The following MTMR9 variants were observed in gnomAD, a reference collection of about 807,000 sequenced individuals.
MTMR9 encodes myotubularin related protein 9.
A neutral mutation model predicts 69.5 loss-of-function variants in MTMR9; 39 were observed. The ratio of observed to expected loss-of-function variants is 0.56; its 90% confidence interval spans 0.43 to 0.73. The LOEUF (loss-of-function observed/expected upper bound fraction) is 0.73. Among genes scored for constraint, MTMR9 ranks in the 30% least tolerant of loss-of-function variants. MTMR9 has a pLI of 0.00. For missense variants in MTMR9, 900 were observed against 671.2 expected (o/e 1.34, Z -3.77); for synonymous variants, 354 against 240.8 (o/e 1.47, Z -4.35).
rs887571793 is a variant in MTMR9, at chr8:11,307,512, G to C, written c.809+1105G>C. Among the ~76,000 whole-genome samples, 6 of 152,182 alleles carry C rather than the reference G, an allele frequency of 3.9e-5. No homozygotes were observed. The East Asian group carries it at 1.2e-3, about 29-fold the overall frequency. On this transcript the variant is annotated intron_variant, in intron 5 of 9. Coordinates refer to ENST00000221086, the MANE Select transcript of MTMR9 (RefSeq NM_015458.4). The stretch of plus-strand genomic sequence containing the variant: ...GTGCTGCAGTGAACGTGGGAATGCA[G>C]ATACCTCTTTGAGATCCTGATTTCG...
Position 11,328,133 on chromosome 8 carries a change from G to A in MTMR9, c.*5345G>A, listed in dbSNP as rs1585145700. 6.6e-6 allele frequency: 1 copy of A among 150,446 alleles called. No individual in the cohort carries two copies. Among genetic ancestry groups the A allele is most frequent in the Non-Finnish European group, 1.5e-5 (1 of 67,862 alleles). The allele number at this position is 150,446 out of a possible 1,614,324, so 9.3% of individuals were successfully genotyped here. A position where few individuals can be genotyped will look rare whatever the true frequency, so the allele number is the denominator to read the frequency against. On this transcript the variant is annotated 3_prime_UTR_variant, in exon 10 of 10. Coordinates refer to ENST00000221086, the MANE Select transcript of MTMR9 (RefSeq NM_015458.4). Reference sequence around the variant, plus strand: ...TAATAAAATCTGAATATATTTAAGTGCTAATAAATTAAATCTGTGGGCTTA... The same window carrying A: ...TAATAAAATCTGAATATATTTAAGTACTAATAAATTAAATCTGTGGGCTTA...
At chr8:11,310,059 C>T (rs1800134845) in intron 6 of MTMR9, among the ~76,000 whole-genome samples, 1 of 152,042 alleles carries the variant, frequency 6.6e-6, no homozygotes, top group Non-Finnish European at 1.5e-5. Context: ...TACCTCCTTA[C>T]TTTTGAAATA....
In MTMR9 at chr8:11,326,936, C is replaced by G. The variant is rs1304536253; in HGVS notation, c.*4148C>G. ...AGTGAGCCGAGATCGCACCACTGCA[C>G]TCCAGCCTGGGCGAAAGGGCAAGAC... On this transcript the variant is annotated 3_prime_UTR_variant, in exon 10 of 10. Coordinates refer to ENST00000221086, the MANE Select transcript of MTMR9 (RefSeq NM_015458.4). 1.4e-5 allele frequency: 2 copies of G among 147,634 alleles called. No individual in the cohort carries two copies. Among genetic ancestry groups the G allele is most frequent in the African/African-American group, 5.1e-5 (2 of 39,574 alleles). 9.1% of individuals were successfully genotyped at this position (147,634 alleles called of 1,614,324 possible). A position where few individuals can be genotyped will look rare whatever the true frequency, so the allele number is the denominator to read the frequency against.
chr8:11,322,901 T>A lies in MTMR9; in HGVS notation c.*113T>A. On this transcript the variant is annotated 3_prime_UTR_variant, in exon 10 of 10. Coordinates refer to ENST00000221086, the MANE Select transcript of MTMR9 (RefSeq NM_015458.4). ...AGCCTTGAAGTGAAGGCTTTAGATG[T>A]GGGACCCCCCTAATGTAATGGATTT... 1.1e-6 allele frequency: 1 copy of A among 880,332 alleles called. No individual in the cohort carries two copies. Among genetic ancestry groups the A allele is most frequent in the Non-Finnish European group, 1.7e-6 (1 of 576,532 alleles). The allele number at this position is 880,332 out of a possible 1,614,324, so 54.5% of individuals were successfully genotyped here. A position where few individuals can be genotyped will look rare whatever the true frequency, so the allele number is the denominator to read the frequency against.
intron 1 of MTMR9, among the ~76,000 whole-genome samples, chr8:11,288,531 A>T (rs1799273680): frequency 6.6e-6 from 1 of 151,776 alleles, no homozygotes; most frequent in Admixed American, 6.6e-5. Context: ...TGTCTGGGGG[A>T]AGAGCATTGC....
chr8:11,314,703 A>G (rs976318115), intron 6 of MTMR9, among the ~76,000 whole-genome samples: 1 of 152,346 alleles, frequency 6.6e-6, no homozygotes, highest in Middle Eastern at 3.4e-3. Context: ...GATTCATTAT[A>G]GTCGTATTTT....
intron 9 of MTMR9, chr8:11,320,360 G>C (rs1024751281): frequency 6.6e-6 from 1 of 152,204 alleles, no homozygotes; most frequent in Non-Finnish European, 1.5e-5. Context: ...TTCTAAAGTA[G>C]ATTTTTTATA....
chr8:11,313,501 G>A (rs889393346), intron 6 of MTMR9, among the ~76,000 whole-genome samples: 3 of 152,162 alleles, frequency 2.0e-5, no homozygotes. Context: ...CTCAGCTTTC[G>A]ACGTGCCTTC....
chr8:11,322,742 A>T lies in MTMR9; in HGVS notation c.1604A>T (p.Gln535Leu). The stretch of plus-strand genomic sequence containing the variant: ...GCAAAAGTCAATATCCTTCGAAGGC[A>T]GTTGGCAGAACTGGAAACAGAGGAC... ...LQAKVNILRR[Q>L]LAELETEDGM... Residue 535 changes from glutamine (Q) to leucine (L), a missense_variant, in exon 10 of 10, where the codon CAG (glutamine) becomes CTG (leucine). Transcript: ENST00000221086. The T allele has an allele frequency of 6.2e-7, 1 of 1,614,110 alleles. No homozygotes were observed. Among genetic ancestry groups the T allele is most frequent in the Non-Finnish European group, 8.5e-7 (1 of 1,179,988 alleles).
chr8:11,316,677 G>C lies in MTMR9; in HGVS notation c.1118G>C (p.Gly373Ala). 2 of 1,598,274 alleles carry C rather than the reference G, an allele frequency of 1.3e-6. No homozygotes were observed. Among genetic ancestry groups the C allele is most frequent in the Non-Finnish European group, 8.5e-7 (1 of 1,173,102 alleles). Residue 373 changes from glycine to alanine, a missense_variant, in exon 8 of 10, where the codon GGT becomes GCT. By Grantham distance (60) the Gly-to-Ala change is moderately conservative (BLOSUM62 0). Coordinates refer to ENST00000221086, the MANE Select transcript of MTMR9 (RefSeq NM_015458.4). ...ALIEREWLQA[G>A]HPFQQRCAQS... ...ACGCCTCCATCTTCCCCCTAGGCTG[G>C]TCACCCATTCCAGCAGCGCTGTGCA... is the stretch of plus-strand genomic sequence containing the variant.
chr8:11,320,573 A>T (rs1387436046), intron 9 of MTMR9: 2 of 152,158 alleles, frequency 1.3e-5, no homozygotes, highest in East Asian at 1.9e-4. Context: ...TACTGAAAAT[A>T]CAAAAATTAA....
downstream of MTMR9, chr8:11,331,693 C>T (rs1801237893): frequency 6.2e-7 from 1 of 1,612,010 alleles, no homozygotes; most frequent in Non-Finnish European, 8.5e-7. Context: ...TATGTGCAGG[C>T]TTTCCTGGGA....
intron 1 of MTMR9, among the ~76,000 whole-genome samples, chr8:11,288,232 T>C (rs1350915839): frequency 1.5e-5 from 2 of 137,306 alleles, no homozygotes; most frequent in East Asian, 2.0e-4. Context: ...AATTATAATA[T>C]ATAATAATAA....
intron 9 of MTMR9, chr8:11,320,668 G>A (rs772384505): frequency 2.6e-5 from 4 of 152,222 alleles, no homozygotes; most frequent in Non-Finnish European, 2.9e-5. Flanking sequence ...GGGAGGCAAA[G>A]GTTGCAGTGA....
chr8:11,339,162 C>G, the MTMR9 span, among the ~76,000 whole-genome samples: 1 of 152,182 alleles, frequency 6.6e-6, no homozygotes, highest in Non-Finnish European at 1.5e-5. Flanking sequence ...CCCTGCAAAT[C>G]CAGTTAGGTC....
intron 5 of MTMR9, 102 bp downstream of exon 5, chr8:11,306,509 A>T: frequency 9.9e-7 from 1 of 1,013,206 alleles, no homozygotes; most frequent in Non-Finnish European, 1.5e-6. Context: ...TAACTTCTGC[A>T]TTAATTTAGG....
chr8:11,330,272 C>A (rs867791833), downstream of MTMR9, among the ~76,000 whole-genome samples: 2 of 150,400 alleles, frequency 1.3e-5, no homozygotes, highest in African/African-American at 4.9e-5. Flanking sequence ...ACCGGCCAGC[C>A]GCCCTGTCCG....
At chr8:11,294,429 T>G (rs1252805444) in intron 1 of MTMR9, among the ~76,000 whole-genome samples, 1 of 152,070 alleles carries the variant, frequency 6.6e-6, no homozygotes, top group Admixed American at 6.6e-5. Flanking sequence ...TGTTTCAAAT[T>G]TGCTGAGAAA....
intron 5 of MTMR9, among the ~76,000 whole-genome samples, chr8:11,307,338 T>C (rs1799978160): frequency 6.6e-6 from 1 of 152,144 alleles, no homozygotes; most frequent in African/African-American, 2.4e-5. Flanking sequence ...CCTCAAAGTG[T>C]TGAAATTACA....
Sources: gnomAD v4.1 joint callset for allele counts (sites outside exome capture counted in the v4.1 genomes callset) on GRCh38, gnomAD v4.1.1 for gene constraint, MANE v1.5 for transcripts, NCBI Gene and HGNC (gene_info 2026-07-23, HGNC 2026-07-21) for gene names.